The following PPFIA2 variants were observed in gnomAD, a reference collection of about 807,000 sequenced individuals.
PPFIA2 encodes PPFI scaffold protein A2, also known as liprin-alpha-2.
A neutral mutation model predicts 175.5 loss-of-function variants in PPFIA2; 46 were observed. The observed-to-expected ratio is 0.26, with a 90% CI of 0.21 to 0.34. PPFIA2 has a LOEUF of 0.34. PPFIA2 is among the 10% of genes least tolerant of loss of function. The pLI, the probability that PPFIA2 is intolerant of heterozygous loss-of-function variation, is 1.00. For synonymous variants in PPFIA2, 568 were observed against 511.4 expected, an observed-to-expected ratio of 1.11 and a Z score of -1.49; for missense variants, 1,179 against 1,506.1, an observed-to-expected ratio of 0.78 and a Z score of 3.60.
chr12:81,413,027 G>A (rs993552193), intron 7 of PPFIA2, among the ~76,000 whole-genome samples: 2 of 151,708 alleles, frequency 1.3e-5, no homozygotes, highest in African/African-American at 4.8e-5. Context: ...AGATGAATTC[G>A]GGGACAATAT....
At chr12:81,307,135 T>C (rs1483904283) in intron 22 of PPFIA2, among the ~76,000 whole-genome samples, 1 of 152,116 alleles carries the variant, frequency 6.6e-6, no homozygotes, top group Non-Finnish European at 1.5e-5. Flanking sequence ...TTATATGAAA[T>C]ATTTTGTGAT....
rs141191438 is a variant in PPFIA2, at chr12:81,411,526, T to C, written c.646-5623A>G. Among the ~76,000 whole-genome samples, 245 of 152,190 alleles carry C rather than the reference T, an allele frequency of 1.6e-3. 3 individuals are homozygous for C. The highest frequency in any genetic ancestry group is 5.7e-3 in the African/African-American group (238 of 41,556). On this transcript the variant is annotated intron_variant, in intron 7 of 32. Transcript: ENST00000549396. ...TCTGACAAGCTCTGACCCTACACAA[T>C]AGACAACTGGTAGTCTTGGCGGCTG...
chr12:81,453,404 C>T (rs1031875836), intron 5 of PPFIA2, among the ~76,000 whole-genome samples: 2 of 152,154 alleles, frequency 1.3e-5, no homozygotes, highest in African/African-American at 4.8e-5. Context: ...TTCTTTACCT[C>T]TTCATTAGTT....
chr12:81,274,053 A>G (rs549922784), intron 28 of PPFIA2, among the ~76,000 whole-genome samples: 13 of 152,184 alleles, frequency 8.5e-5, no homozygotes, highest in Admixed American at 2.0e-4. Flanking sequence ...AGACCTCAGA[A>G]AATGGGATGT....
In PPFIA2 at chr12:81,374,577, G is replaced by T; in HGVS notation, c.1266+57C>A. Reference sequence around the variant, plus strand: ...AGAAAATCTTTACACATTCCATTTTGATTACAAGTCCTTTCTACAAATATA... The same window carrying T: ...AGAAAATCTTTACACATTCCATTTTTATTACAAGTCCTTTCTACAAATATA... On this transcript the variant is annotated intron_variant, in intron 11 of 32. Coordinates refer to ENST00000549396, the MANE Select transcript of PPFIA2 (RefSeq NM_003625.5). 6.6e-6 allele frequency: 10 copies of T among 1,505,650 alleles called. No homozygotes were observed. The Admixed American group carries it at 6.9e-5, about 10-fold the overall frequency. 93.3% of individuals were successfully genotyped at this position (1,505,650 alleles called of 1,614,324 possible).
chr12:81,335,506 G>A (rs907325642), intron 21 of PPFIA2, among the ~76,000 whole-genome samples: 3 of 152,132 alleles, frequency 2.0e-5, no homozygotes, highest in African/African-American at 7.2e-5. Flanking sequence ...ACTTTGGGAT[G>A]CCAAGGCGGG....
At chr12:81,601,976 A>G (rs933489733) in intron 4 of PPFIA2, among the ~76,000 whole-genome samples, 4 of 151,742 alleles carry the variant, frequency 2.6e-5, no homozygotes, top group Admixed American at 1.3e-4. Flanking sequence ...TATTCCTTCA[A>G]CTTTTTTCCT....
At chr12:81,399,594 T>C (rs1029174941) in intron 8 of PPFIA2, among the ~76,000 whole-genome samples, 1 of 152,152 alleles carries the variant, frequency 6.6e-6, no homozygotes, top group Non-Finnish European at 1.5e-5. Flanking sequence ...CATGTATATA[T>C]GGATAAGCCA....
At chr12:81,346,736 A>G (rs982545964) in intron 18 of PPFIA2, among the ~76,000 whole-genome samples, 2 of 151,756 alleles carry the variant, frequency 1.3e-5, no homozygotes, top group Non-Finnish European at 2.9e-5. Flanking sequence ...AACACAAATA[A>G]TGCAAGAAAT....
At chr12:81,492,836 A>G (rs901148249) in intron 4 of PPFIA2, among the ~76,000 whole-genome samples, 4 of 152,092 alleles carry the variant, frequency 2.6e-5, no homozygotes, top group Non-Finnish European at 4.4e-5. Context: ...GACTTAGGTG[A>G]GGCAAAAGAG....
At chr12:81,710,736 A>T (rs1250147394) in intron 3 of PPFIA2, among the ~76,000 whole-genome samples, 1 of 151,724 alleles carries the variant, frequency 6.6e-6, no homozygotes, top group Non-Finnish European at 1.5e-5. Flanking sequence ...TTTATGCATG[A>T]AACAAAGTTT....
intron 4 of PPFIA2, among the ~76,000 whole-genome samples, chr12:81,501,501 T>G (rs1312661501): frequency 6.6e-6 from 1 of 152,164 alleles, no homozygotes; most frequent in Non-Finnish European, 1.5e-5. Context: ...TACAGGCACT[T>G]TTCTCTATTT....
Position 81,384,234 on chromosome 12 carries a change from T to C in PPFIA2, c.773A>G (p.Asn258Ser), listed in dbSNP as rs187413888. 77 of 1,570,644 alleles carry C rather than the reference T, an allele frequency of 4.9e-5. 1 individual carries two copies. The African/African-American group carries it at 9.5e-4, about 19-fold the overall frequency. Residue 258 changes from asparagine to serine, a missense_variant, in exon 9 of 33, where the codon AAT becomes AGT. Coordinates refer to ENST00000549396, the MANE Select transcript of PPFIA2 (RefSeq NM_003625.5). ...GQKVHEKRLS[N>S]GSIDSTDETS... ...TTCATCGGTTGAGTCTATAGAACCA[T>C]TGGACAAACGCTGCAGAAATAGAAA... is the stretch of plus-strand genomic sequence containing the variant.
intron 3 of PPFIA2, among the ~76,000 whole-genome samples, chr12:81,721,750 T>C (rs2079378402): frequency 6.7e-6 from 1 of 149,114 alleles, no homozygotes; most frequent in African/African-American, 2.5e-5. Flanking sequence ...AGCACTGATA[T>C]CATAGCAGCC....
chr12:81,537,547 A>T (rs1594672910), intron 4 of PPFIA2, among the ~76,000 whole-genome samples: 1 of 151,864 alleles, frequency 6.6e-6, no homozygotes, highest in South Asian at 2.1e-4. Flanking sequence ...CTTCACACCA[A>T]TGTTTTGTGG....
chr12:81,656,189 G>A (rs939352332), intron 4 of PPFIA2, among the ~76,000 whole-genome samples: 22 of 151,950 alleles, frequency 1.4e-4, no homozygotes, highest in African/African-American at 3.9e-4. Context: ...TGCTCTTCTC[G>A]AGGAGTATCT....
At chr12:81,614,265 A>G (rs968754643) in intron 4 of PPFIA2, among the ~76,000 whole-genome samples, 9 of 152,128 alleles carry the variant, frequency 5.9e-5, no homozygotes, top group African/African-American at 2.2e-4. Flanking sequence ...TAAAAAACAG[A>G]AAGCAGATGT....
intron 4 of PPFIA2, among the ~76,000 whole-genome samples, chr12:81,556,261 G>A (rs1323727234): frequency 2.0e-5 from 3 of 151,742 alleles, no homozygotes; most frequent in East Asian, 1.9e-4. Context: ...ATAAATGCAC[G>A]GTGGTCATTT....
chr12:81,291,601 G>C (rs555480557), intron 24 of PPFIA2, among the ~76,000 whole-genome samples: 4 of 151,948 alleles, frequency 2.6e-5, no homozygotes, highest in Non-Finnish European at 4.4e-5. Context: ...AAGGCTTGGG[G>C]TTGATGGAAA....
Sources: gnomAD v4.1 joint callset for allele counts (sites outside exome capture counted in the v4.1 genomes callset) on GRCh38, gnomAD v4.1.1 for gene constraint, MANE v1.5 for transcripts, NCBI Gene and HGNC (gene_info 2026-07-23, HGNC 2026-07-21) for gene names.